Variants in AKAP11 observed in about 807,000 individuals in gnomAD.
The protein encoded by AKAP11 is A-kinase anchoring protein 11, also known as A-kinase anchor protein 11.
A neutral mutation model predicts 146.1 loss-of-function variants in AKAP11; 36 were observed. The observed-to-expected ratio is 0.25, with a 90% CI of 0.19 to 0.33. AKAP11 has a LOEUF of 0.33. Ranked by LOEUF, AKAP11 falls within the 10% of genes least tolerant of loss-of-function variation. AKAP11 has a pLI of 1.00. For missense variants in AKAP11, 2,201 were observed against 2,197.0 expected, an observed-to-expected ratio of 1.00 and a Z score of -0.04; for synonymous variants, 780 against 786.5, an observed-to-expected ratio of 0.99 and a Z score of 0.14.
chr13:42,310,468 A>G (rs1217729659), intron 9 of AKAP11, among the ~76,000 whole-genome samples: 1 of 152,216 alleles, frequency 6.6e-6, no homozygotes, highest in Non-Finnish European at 1.5e-5. Flanking sequence ...TTGAAAATAT[A>G]TTGATTTACA....
Position 42,302,453 on chromosome 13 carries a change from AAAGTCAAAG to A in AKAP11, c.3712_3720del (p.Gln1238_Ser1240del), listed in dbSNP as rs1268086823. 1 of 1,614,104 alleles carries A rather than the reference AAAGTCAAAG, an allele frequency of 6.2e-7. No individual in the cohort carries two copies. The highest frequency in any genetic ancestry group is 1.3e-5 in the African/African-American group (1 of 74,952). On this transcript the variant is annotated inframe_deletion, in exon 8 of 13. Coordinates refer to ENST00000025301, the MANE Select transcript of AKAP11 (RefSeq NM_016248.4). The stretch of plus-strand genomic sequence containing the variant: ...GTTAAAAACCCTTGCTTAAATGTGC[AAAGTCAAAG>A]AAGTGTGTCGCCTACTTTTTTAAAC...
In AKAP11 at chr13:42,303,270, T is replaced by C; in HGVS notation, c.4524T>C (p.Pro1508=). Residue 1508 remains proline, a synonymous_variant, in exon 8 of 13, where the codon CCT becomes CCC. Transcript: ENST00000025301. Reference sequence around the variant, plus strand: ...AGTGTCACGTTACACCAGAATTGCCTAAGTCTCTTCAGCCTTCCTCACAAA... The same window carrying C: ...AGTGTCACGTTACACCAGAATTGCCCAAGTCTCTTCAGCCTTCCTCACAAA... The part of the protein sequence containing the change: ...DNECHVTPEL[P]KSLQPSSQNH... The C allele has an allele frequency of 3.7e-6, 6 of 1,613,554 alleles. No homozygotes were observed. Among genetic ancestry groups the C allele is most frequent in the Non-Finnish European group, 5.1e-6 (6 of 1,180,030 alleles).
At chr13:42,290,693 T>C (rs2138510012) in intron 3 of AKAP11, among the ~76,000 whole-genome samples, 1 of 152,332 alleles carries the variant, frequency 6.6e-6, no homozygotes, top group East Asian at 1.9e-4. Flanking sequence ...ACCATTTTCA[T>C]TCTTCTTGAT....
chr13:42,304,117 T>C (rs1319871650), intron 8 of AKAP11, among the ~76,000 whole-genome samples: 2 of 152,210 alleles, frequency 1.3e-5, no homozygotes, highest in Non-Finnish European at 2.9e-5. Context: ...ATAATCACCT[T>C]ATCCAAGTTC....
At chr13:42,318,885 G>A (rs1960954142) in intron 12 of AKAP11, among the ~76,000 whole-genome samples, 1 of 152,192 alleles carries the variant, frequency 6.6e-6, no homozygotes, top group South Asian at 2.1e-4. Context: ...TGGAGGAGAT[G>A]TGTTTATAAA....
In AKAP11 at chr13:42,301,456, A is replaced by C; in HGVS notation, c.2710A>C (p.Thr904Pro). Residue 904 changes from threonine to proline, a missense_variant, in exon 8 of 13, where the codon ACA becomes CCA. Physicochemically the swap from Thr to Pro is conservative, Grantham distance 38. Coordinates refer to ENST00000025301, the MANE Select transcript of AKAP11 (RefSeq NM_016248.4). ...AGTTACAAAAATGGTTGATGAACGT[A>C]CAGATTATTTAACTAAATCTTTAAA... ...LEVTKMVDER[T>P]DYLTKSLKEK... 6.2e-7 allele frequency: 1 copy of C among 1,613,492 alleles called. No homozygotes were observed. Among genetic ancestry groups the C allele is most frequent in the Non-Finnish European group, 8.5e-7 (1 of 1,179,826 alleles).
rs1025799658 is a variant in AKAP11, at chr13:42,321,810, T to TA, written c.*2583dup. The TA allele has an allele frequency of 2.0e-5, 3 of 152,302 alleles. No homozygotes were observed. The highest frequency in any genetic ancestry group is 6.5e-5 in the Admixed American group (1 of 15,280). The allele number at this position is 152,302 out of a possible 1,614,324, so 9.4% of individuals were successfully genotyped here. On this transcript the variant is annotated 3_prime_UTR_variant, in exon 13 of 13. Coordinates refer to ENST00000025301, the MANE Select transcript of AKAP11 (RefSeq NM_016248.4). ...TTGCTGTGCTGTACATTTTGGCCCTTACGAAATACGTCTTTTTCAGAACTG... is the reference window on the plus strand; with the variant it reads ...TTGCTGTGCTGTACATTTTGGCCCTTAACGAAATACGTCTTTTTCAGAACTG...
Position 42,301,223 on chromosome 13 carries a change from G to C in AKAP11, c.2477G>C (p.Arg826Thr), listed in dbSNP as rs376563786. The C allele has an allele frequency of 1.1e-4, 173 of 1,613,868 alleles. No individual in the cohort carries two copies. The highest frequency in any genetic ancestry group is 1.4e-4 in the Non-Finnish European group (162 of 1,179,960). Residue 826 changes from arginine to threonine, a missense_variant, in exon 8 of 13, where the codon AGA becomes ACA. Physicochemically the swap from Arg to Thr is moderately conservative, Grantham distance 71. Around this residue, in one of 3 missense-constraint regions of AKAP11, gnomAD observed 1,867 missense variants for 1,833.5 expected, o/e 1.02. Transcript: ENST00000025301. The stretch of plus-strand genomic sequence containing the variant: ...CAAGTGCATATTGCCACAAAAAACA[G>C]AGAAGAAAAAGCAGCTTGTCTCAGA... ...SAQVHIATKNREEKAACLRNI... is the reference protein window; with the variant it reads ...SAQVHIATKNTEEKAACLRNI...
chr13:42,315,186 A>C (rs9566958), intron 11 of AKAP11, among the ~76,000 whole-genome samples: 58,608 of 151,994 alleles, frequency 0.39, 11,742 homozygotes, highest in East Asian at 0.63. Flanking sequence ...CAGTTAGTTT[A>C]ACACCTTGTT....
chr13:42,319,906 G>GGTGTGCGTGTGTGT lies in AKAP11; in HGVS notation c.*683_*684insCGTGTGTGTGTGTG. ...TGCTGCCAGTCATTCTGGCATGAAAGGTGTGTGTGTGTGTGTGTGTGTGTG... is the reference window on the plus strand; with the variant it reads ...TGCTGCCAGTCATTCTGGCATGAAAGGTGTGCGTGTGTGTGTGTGTGTGTGTGTGTGTGTGTGTG... On this transcript the variant is annotated 3_prime_UTR_variant, in exon 13 of 13. Transcript: ENST00000025301. The GGTGTGCGTGTGTGT allele has an allele frequency of 7.5e-6, 1 of 132,752 alleles. No individual in the cohort carries two copies. Among genetic ancestry groups the GGTGTGCGTGTGTGT allele is most frequent in the Middle Eastern group, 3.8e-3 (1 of 262 alleles). 8.2% of individuals were successfully genotyped at this position (132,752 alleles called of 1,614,324 possible).
intron 4 of AKAP11, among the ~76,000 whole-genome samples, chr13:42,295,215 G>C (rs887485807): frequency 3.3e-5 from 5 of 152,306 alleles, no homozygotes; most frequent in Admixed American, 3.3e-4. Context: ...GGGCGCAACT[G>C]TGAAGTCCTT....
At chr13:42,289,734 G>A (rs953414653) in intron 3 of AKAP11, among the ~76,000 whole-genome samples, 8 of 151,912 alleles carry the variant, frequency 5.3e-5, no homozygotes, top group African/African-American at 2.4e-5. Context: ...CACTTACCAT[G>A]TCATGAGTTT....
rs113925210 is a variant in AKAP11 at position 42,300,415 on chromosome 13, C to A, written c.1669C>A (p.Leu557Ile). ...TAGCATTCAAAAATTTGCAGCAGAT[C>A]TTGTGGAAAAAAGTTTTGGCAGTGC... ...KDSIQKFAAD[L>I]VEKSFGSAFK... Residue 557 changes from leucine to isoleucine, a missense_variant, in exon 8 of 13, where the codon CTT becomes ATT. By Grantham distance (5) the Leu-to-Ile change is conservative. Transcript: ENST00000025301. The A allele has an allele frequency of 1.4e-5, 22 of 1,612,992 alleles. No individual in the cohort carries two copies. The highest frequency in any genetic ancestry group is 9.3e-5 in the African/African-American group (7 of 74,996).
At chr13:42,293,321 A>G (rs1959304978) in intron 4 of AKAP11, among the ~76,000 whole-genome samples, 1 of 152,200 alleles carries the variant, frequency 6.6e-6, no homozygotes, top group Non-Finnish European at 1.5e-5. Context: ...GTAAAGTTAA[A>G]AAGTCAGAAG....
intron 8 of AKAP11, among the ~76,000 whole-genome samples, chr13:42,306,164 A>G (rs1012132540): frequency 6.6e-6 from 1 of 152,246 alleles, no homozygotes; most frequent in African/African-American, 2.4e-5. Context: ...ACTACATACC[A>G]GTTCCTAGTA....
Position 42,308,549 on chromosome 13 carries a change from A to G in AKAP11, c.5213A>G (p.Asn1738Ser), listed in dbSNP as rs1355248395. 5.6e-6 allele frequency: 9 copies of G among 1,613,340 alleles called. No homozygotes were observed. The highest frequency in any genetic ancestry group is 5.1e-6 in the Non-Finnish European group (6 of 1,179,576). The change falls in exon 9 of 13, where the codon AAT (asparagine) becomes AGT (serine). Residue 1738 changes from asparagine to serine, a missense_variant. Physicochemically the swap from Asn to Ser is conservative, Grantham distance 46 (BLOSUM62 1). Transcript: ENST00000025301. The stretch of plus-strand genomic sequence containing the variant: ...GATGACAGCACTGGTAGCTGGTCCA[A>G]TTTAAGTTTTGAAGATGAACACCAA... ...IGDDSTGSWS[N>S]LSFEDEHQDE...
chr13:42,292,476 A>G lies in AKAP11; in HGVS notation c.143A>G (p.Gln48Arg), dbSNP rs529948984. Reference sequence around the variant, plus strand: ...GTAACAGCAGAGGACTGTTTACAGCAGGATGAGCATGCCAATTTAACTGAG... The same window carrying G: ...GTAACAGCAGAGGACTGTTTACAGCGGGATGAGCATGCCAATTTAACTGAG... ...CSVTAEDCLQ[Q>R]DEHANLTEVT... Residue 48 changes from glutamine (Q) to arginine (R), a missense_variant, in exon 4 of 13, where the codon CAG becomes CGG. Physicochemically the swap from Gln to Arg is conservative, Grantham distance 43. This residue lies in a region of AKAP11 where 331 missense variants were observed against 347.4 expected (regional missense o/e 0.95). Coordinates refer to ENST00000025301, the MANE Select transcript of AKAP11 (RefSeq NM_016248.4). The G allele has an allele frequency of 1.3e-6, 2 of 1,573,970 alleles. No homozygotes were observed. The highest frequency in any genetic ancestry group is 2.3e-5 in the East Asian group (1 of 44,252).
intron 3 of AKAP11, among the ~76,000 whole-genome samples, chr13:42,290,529 A>G (rs143436624): frequency 1.3e-5 from 2 of 152,306 alleles, no homozygotes; most frequent in Admixed American, 1.3e-4. Context: ...ATCCTTTCCT[A>G]AATCAGTAAT....
chr13:42,314,794 TC>T (rs993821230), intron 11 of AKAP11, among the ~76,000 whole-genome samples: 3 of 152,146 alleles, frequency 2.0e-5, no homozygotes, highest in Non-Finnish European at 2.9e-5. Context: ...AATACTCAGA[TC>T]CTTCCTTAAT....
Sources: allele counts gnomAD v4.1 joint callset (sites outside exome capture counted in the v4.1 genomes callset), GRCh38; gene constraint gnomAD v4.1.1; regional missense constraint gnomAD v4.1.1; transcripts MANE v1.5; gene names NCBI Gene and HGNC (gene_info 2026-07-23, HGNC 2026-07-21).